Variants in ENTPD1 observed in about 807,000 individuals in gnomAD.
The protein encoded by ENTPD1 is ectonucleoside triphosphate diphosphohydrolase 1.
In ENTPD1, 33 loss-of-function variants were observed where a neutral mutation model predicts 57.0. The observed-to-expected ratio is 0.58, with a 90% CI of 0.44 to 0.77. The LOEUF is 0.77. Ranked by LOEUF, ENTPD1 falls within the 30% of genes least tolerant of loss-of-function variation. ENTPD1 has a pLI of 0.00. For synonymous variants in ENTPD1, 202 were observed against 218.8 expected (o/e 0.92, Z 0.68); for missense variants, 501 against 603.4 (o/e 0.83, Z 1.78).
chr10:95,727,566 A>T (rs900429164), intron 1 of ENTPD1, among the ~76,000 whole-genome samples: 1 of 152,150 alleles, frequency 6.6e-6, no homozygotes, highest in African/African-American at 2.4e-5. Flanking sequence ...CAATCTCTCT[A>T]CCTCCAATCC....
intron 1 of ENTPD1, among the ~76,000 whole-genome samples, chr10:95,759,813 A>G (rs1223129589): frequency 6.6e-6 from 1 of 152,240 alleles, no homozygotes; most frequent in Non-Finnish European, 1.5e-5. Context: ...GTGTTGTCTC[A>G]TGTAATCTTT....
intron 1 of ENTPD1, among the ~76,000 whole-genome samples, chr10:95,762,390 G>GTTTTT (rs5787157): frequency 7.4e-6 from 1 of 134,652 alleles, no homozygotes; most frequent in Non-Finnish European, 1.6e-5. Context: ...TTTCCTGGCA[G>GTTTTT]TTTTTTTTTT....
chr10:95,820,221 C>T (rs2098344446), intron 1 of ENTPD1, among the ~76,000 whole-genome samples: 1 of 152,176 alleles, frequency 6.6e-6, no homozygotes, highest in African/African-American at 2.4e-5. Flanking sequence ...TTACTGCTCT[C>T]TGGGTAATGT....
At chr10:95,769,535 G>C (rs1213359648) in intron 1 of ENTPD1, among the ~76,000 whole-genome samples, 4 of 152,236 alleles carry the variant, frequency 2.6e-5, no homozygotes, top group Non-Finnish European at 5.9e-5. Flanking sequence ...GCATCCTGCA[G>C]GCCACTGTAT....
chr10:95,706,829 G>A (rs1310831230), upstream of ENTPD1, among the ~76,000 whole-genome samples: 1 of 152,172 alleles, frequency 6.6e-6, no homozygotes, highest in Non-Finnish European at 1.5e-5. Flanking sequence ...TGAAGGTGGT[G>A]CCTTACTGGG....
At chr10:95,732,637 C>T (rs1043985424) in intron 1 of ENTPD1, among the ~76,000 whole-genome samples, 4 of 152,098 alleles carry the variant, frequency 2.6e-5, no homozygotes, top group Non-Finnish European at 4.4e-5. Context: ...AATAATTCAA[C>T]GTTATTTCAC....
chr10:95,801,484 G>T (rs554667231), intron 1 of ENTPD1, among the ~76,000 whole-genome samples: 2 of 152,154 alleles, frequency 1.3e-5, no homozygotes, highest in African/African-American at 2.4e-5. Flanking sequence ...GTTTTTGTCA[G>T]GTTTATCCAA....
intron 1 of ENTPD1, among the ~76,000 whole-genome samples, chr10:95,720,895 G>A (rs2097976670): frequency 6.6e-6 from 1 of 152,086 alleles, no homozygotes; most frequent in Non-Finnish European, 1.5e-5. Context: ...CTTGCCTGAG[G>A]GCCATGACTA....
chr10:95,788,556 G>A (rs556600657), intron 1 of ENTPD1, among the ~76,000 whole-genome samples: 1 of 151,984 alleles, frequency 6.6e-6, no homozygotes, highest in Non-Finnish European at 1.5e-5. Context: ...GGTGGAGGTT[G>A]CAGTGAGCTG....
chr10:95,802,097 G>A (rs2098252113), intron 1 of ENTPD1, among the ~76,000 whole-genome samples: 1 of 152,084 alleles, frequency 6.6e-6, no homozygotes, highest in South Asian at 2.1e-4. Flanking sequence ...GGTACAGCTT[G>A]GTTTTATATA....
At chr10:95,861,617 G>A (rs2098465480) in intron 8 of ENTPD1, 1 of 152,122 alleles carries the variant, frequency 6.6e-6, no homozygotes, top group South Asian at 2.1e-4. Context: ...GCTCAAATAT[G>A]TCTCAGCATT....
chr10:95,846,462 C>G (rs573113257), intron 6 of ENTPD1: 1 of 152,370 alleles, frequency 6.6e-6, no homozygotes, highest in East Asian at 1.9e-4. Flanking sequence ...CACACCCTGA[C>G]AAGCAAACAC....
intron 2 of ENTPD1, among the ~76,000 whole-genome samples, chr10:95,834,702 C>A (rs181005674): frequency 6.6e-6 from 1 of 152,080 alleles, no homozygotes. Flanking sequence ...CATATCTATA[C>A]GGCCTCCAGT....
intron 1 of ENTPD1, among the ~76,000 whole-genome samples, chr10:95,817,058 G>C (rs1311237048): frequency 1.3e-5 from 2 of 152,154 alleles, no homozygotes; most frequent in Non-Finnish European, 2.9e-5. Flanking sequence ...ACTAAGCAAA[G>C]GTAAGCTTAT....
intron 1 of ENTPD1, among the ~76,000 whole-genome samples, chr10:95,750,603 A>G (rs1017295951): frequency 3.3e-5 from 5 of 152,160 alleles, no homozygotes; most frequent in African/African-American, 4.8e-5. Context: ...AGTCTCAGGT[A>G]TTTCTTTATT....
chr10:95,731,499 T>A (rs919022679), intron 1 of ENTPD1, among the ~76,000 whole-genome samples: 3 of 152,140 alleles, frequency 2.0e-5, no homozygotes, highest in Non-Finnish European at 2.9e-5. Context: ...CTCTGCCTGA[T>A]GGCTTTTTCT....
chr10:95,841,822 T>C (rs1186733249), intron 3 of ENTPD1, among the ~76,000 whole-genome samples: 1 of 152,138 alleles, frequency 6.6e-6, no homozygotes, highest in African/African-American at 2.4e-5. Flanking sequence ...TGAAGAGACA[T>C]AGATTCTGTT....
chr10:95,723,526 A>G (rs1184307735), intron 1 of ENTPD1, among the ~76,000 whole-genome samples: 1 of 152,158 alleles, frequency 6.6e-6, no homozygotes, highest in East Asian at 1.9e-4. Context: ...TGGAGATACA[A>G]CTTGCTAGAG....
intron 1 of ENTPD1, among the ~76,000 whole-genome samples, chr10:95,765,703 G>A (rs1044084744): frequency 6.6e-6 from 1 of 152,082 alleles, no homozygotes; most frequent in African/African-American, 2.4e-5. Flanking sequence ...TTTAAGATCA[G>A]GTTGTCAACT....
Sources: gnomAD v4.1 joint callset for allele counts (sites outside exome capture counted in the v4.1 genomes callset) on GRCh38, gnomAD v4.1.1 for gene constraint, MANE v1.5 for transcripts, NCBI Gene and HGNC (gene_info 2026-07-23, HGNC 2026-07-21) for gene names.